Variants in DNMT3A observed in about 807,000 individuals in gnomAD.
DNMT3A encodes the protein DNA (cytosine-5)-methyltransferase 3A.
In DNMT3A, 267 loss-of-function variants were observed where a neutral mutation model predicts 117.6. The ratio of observed to expected loss-of-function variants is 2.27; its 90% CI spans 2.05 to 2.51. The LOEUF (loss-of-function observed/expected upper bound fraction) is 2.51. Ranked by LOEUF, DNMT3A falls within the 30% of genes most tolerant of loss-of-function variation. The pLI is 0.00. For missense variants in DNMT3A, 1,029 were observed against 1,260.2 expected, an observed-to-expected ratio of 0.82 and a Z score of 2.78; for synonymous variants, 432 against 474.8, an observed-to-expected ratio of 0.91 and a Z score of 1.17.
rs529830398 is a variant in DNMT3A, at chr2:25,326,908, C to T, written c.-177-12747G>A. Among the ~76,000 whole-genome samples the T allele has an allele frequency of 4.6e-5, 7 of 152,358 alleles. 1 individual carries two copies. The highest frequency in any genetic ancestry group is 1.4e-4 in the African/African-American group (6 of 41,574). Reference sequence around the variant, plus strand: ...GCACTCCCCTGGGAAAACGTAGCAGCGGTGTGCTTCCAGCAAGATACCTCC... The same window carrying T: ...GCACTCCCCTGGGAAAACGTAGCAGTGGTGTGCTTCCAGCAAGATACCTCC... On this transcript the variant is annotated intron_variant, in intron 1 of 22. Coordinates refer to ENST00000321117, the MANE Select transcript of DNMT3A (RefSeq NM_022552.5).
At chr2:25,249,561 G>A in intron 6 of DNMT3A, 2 of 1,355,304 alleles carry the variant, frequency 1.5e-6, no homozygotes, top group South Asian at 2.3e-5. Flanking sequence ...TTACTGAGCA[G>A]GCACTATAGA....
At chr2:25,314,284 A>G in intron 1 of DNMT3A, 123 bp from the exon 2 acceptor site, 1 of 1,235,348 alleles carries the variant, frequency 8.1e-7, no homozygotes, top group Non-Finnish European at 1.0e-6. Flanking sequence ...TGGCCTCACC[A>G]GCACCCCAGA....
Position 25,252,082 on chromosome 2 carries a change from G to C in DNMT3A, c.640-3830C>G. On this transcript the variant is annotated intron_variant, in intron 6 of 22. Coordinates refer to ENST00000321117, the MANE Select transcript of DNMT3A (RefSeq NM_022552.5). The surrounding 1 kb of genome is among the most constrained non-coding windows in gnomAD (Gnocchi z 5.5). ...GGCCGGGACGCCGCGGCTGCTGCGGGCCGGGGAGGCATACTTCACTCTTTT... is the reference window on the plus strand; with the variant it reads ...GGCCGGGACGCCGCGGCTGCTGCGGCCCGGGGAGGCATACTTCACTCTTTT... 1.5e-6 allele frequency: 2 copies of C among 1,366,514 alleles called. No homozygotes were observed. Among genetic ancestry groups the C allele is most frequent in the Non-Finnish European group, 2.0e-6 (2 of 1,008,362 alleles). 84.6% of individuals were successfully genotyped at this position (1,366,514 alleles called of 1,614,324 possible). A position where few individuals can be genotyped will look rare whatever the true frequency, so the allele number is the denominator to read the frequency against.
At position 25,233,338 on chromosome 2, in the gene DNMT3A, T is replaced by C. The variant is rs1672982151; in HGVS notation, c.*941A>G. ...GCCATCTGCAAGCTGTCTCCCTTTCTCCATCCTTGGTGAAACCCTTTGCGC... is the reference window on the plus strand; with the variant it reads ...GCCATCTGCAAGCTGTCTCCCTTTCCCCATCCTTGGTGAAACCCTTTGCGC... On this transcript the variant is annotated 3_prime_UTR_variant, in exon 23 of 23. Coordinates refer to ENST00000321117, the MANE Select transcript of DNMT3A (RefSeq NM_022552.5). 2 of 233,716 alleles carry C rather than the reference T, an allele frequency of 8.6e-6. No individual in the cohort carries two copies. Among genetic ancestry groups the C allele is most frequent in the Non-Finnish European group, 1.7e-5 (2 of 118,026 alleles). 14.5% of individuals were successfully genotyped at this position (233,716 alleles called of 1,614,324 possible).
intron 2 of DNMT3A, 88 bp from the exon 3 acceptor site, chr2:25,300,331 C>G: frequency 7.0e-7 from 1 of 1,438,592 alleles, no homozygotes; most frequent in East Asian, 2.5e-5. Context: ...CCTGGCTTCC[C>G]TTCCAGCCCC....
chr2:25,282,169 T>A lies in DNMT3A; in HGVS notation c.448+272A>T. 8.5e-7 allele frequency: 1 copy of A among 1,174,304 alleles called. No individual in the cohort carries two copies. Among genetic ancestry groups the A allele is most frequent in the Non-Finnish European group, 1.1e-6 (1 of 916,634 alleles). The allele number at this position is 1,174,304 out of a possible 1,614,324, so 72.7% of individuals were successfully genotyped here. ...CCAGATCTAGCTTTTTTTTTTTTCA[T>A]GAGAAGCCAAAACTCCAGATTTTTA... On this transcript the variant is annotated intron_variant, in intron 4 of 22. Coordinates refer to ENST00000321117, the MANE Select transcript of DNMT3A (RefSeq NM_022552.5). The surrounding 1 kb of genome is among the most constrained non-coding windows in gnomAD (Gnocchi z 5.2).
chr2:25,282,862 T>A lies in DNMT3A; in HGVS notation c.178-151A>T. 9.8e-7 allele frequency: 1 copy of A among 1,022,168 alleles called. No homozygotes were observed. The highest frequency in any genetic ancestry group is 1.3e-6 in the Non-Finnish European group (1 of 748,582). 63.3% of individuals were successfully genotyped at this position (1,022,168 alleles called of 1,614,324 possible). A position where few individuals can be genotyped will look rare whatever the true frequency, so the allele number is the denominator to read the frequency against. ...TAAACCTTCATGCAAACAGATACAT[T>A]CACAATTTTGCTTTCAACATCAAAG... On this transcript the variant is annotated intron_variant, in intron 3 of 22. Transcript: ENST00000321117. The surrounding 1 kb of genome is among the most constrained non-coding windows in gnomAD (Gnocchi z 5.2).
intron 6 of DNMT3A, among the ~76,000 whole-genome samples, chr2:25,263,979 C>T (rs932074224): frequency 5.3e-5 from 8 of 152,196 alleles, no homozygotes; most frequent in Non-Finnish European, 8.8e-5. Flanking sequence ...CTACCAACCT[C>T]TCACAGGGGA....
intron 1 of DNMT3A, among the ~76,000 whole-genome samples, chr2:25,322,498 C>T (rs1291048921): frequency 6.6e-6 from 1 of 151,838 alleles, no homozygotes; most frequent in Admixed American, 6.6e-5. Flanking sequence ...CACATCATTC[C>T]CGCTGCGTCC....
chr2:25,335,723 T>G (rs554366459), intron 1 of DNMT3A, among the ~76,000 whole-genome samples: 1 of 152,104 alleles, frequency 6.6e-6, no homozygotes, highest in South Asian at 2.1e-4. Flanking sequence ...TGGTCCTCCG[T>G]CCCCTCTGTG....
intron 4 of DNMT3A, among the ~76,000 whole-genome samples, chr2:25,280,290 ACTCCCCGCCTCCCCACCCCCCGC>A (rs1176970608): frequency 3.2e-5 from 4 of 124,374 alleles, no homozygotes; most frequent in African/African-American, 9.2e-5. Context: ...CACACTGCCC[ACTCCCCGCCTCCCCACCCCCCGC>A]CTCCCCGCCC....
intron 6 of DNMT3A, among the ~76,000 whole-genome samples, chr2:25,261,957 T>C (rs1676652209): frequency 1.3e-5 from 2 of 152,088 alleles, no homozygotes; most frequent in South Asian, 4.2e-4. Flanking sequence ...GAGGCCAAGG[T>C]GGGCAGATCA....
chr2:25,321,247 T>C (rs1232198953), intron 1 of DNMT3A, among the ~76,000 whole-genome samples: 1 of 152,192 alleles, frequency 6.6e-6, no homozygotes, highest in Non-Finnish European at 1.5e-5. Flanking sequence ...CTGGAAACTC[T>C]AAGGAGAATC....
chr2:25,292,194 A>G (rs929803478), intron 3 of DNMT3A, among the ~76,000 whole-genome samples: 2 of 151,974 alleles, frequency 1.3e-5, no homozygotes, highest in African/African-American at 4.8e-5. Flanking sequence ...ACCCTTAAAA[A>G]AAAAAATTAG....
At chr2:25,248,994 A>G (rs1010990137) in intron 6 of DNMT3A, among the ~76,000 whole-genome samples, 2 of 152,184 alleles carry the variant, frequency 1.3e-5, no homozygotes, top group African/African-American at 4.8e-5. Flanking sequence ...ATTATACCGT[A>G]TATCTCCTAA....
chr2:25,228,838 G>A lies in DNMT3A; in HGVS notation c.*5441C>T, dbSNP rs1472905951. The stretch of plus-strand genomic sequence containing the variant: ...GTGAAGTGAAATGGGACTAGGGGAT[G>A]CTTTAGACCGCTGCTCATGTTCTCA... On this transcript the variant is annotated 3_prime_UTR_variant, in exon 23 of 23. Transcript: ENST00000321117. The A allele has an allele frequency of 6.6e-6, 1 of 152,214 alleles. No homozygotes were observed. The highest frequency in any genetic ancestry group is 1.5e-5 in the Non-Finnish European group (1 of 68,048). 9.4% of individuals were successfully genotyped at this position (152,214 alleles called of 1,614,324 possible).
Position 25,327,504 on chromosome 2 carries a change from C to CA in DNMT3A, c.-177-13344dup, listed in dbSNP as rs2034831978. On this transcript the variant is annotated intron_variant, in intron 1 of 22. Coordinates refer to ENST00000321117, the MANE Select transcript of DNMT3A (RefSeq NM_022552.5). The surrounding 1 kb of genome is among the most constrained non-coding windows in gnomAD (Gnocchi z 4.1). ...CAACTGCCTTCTGTGTGTTCTCTCC[C>CA]AGCCATGACTCCATCTGGCTCCTTG... Among the ~76,000 whole-genome samples the CA allele has an allele frequency of 6.6e-6, 1 of 152,174 alleles. No homozygotes were observed. The highest frequency in any genetic ancestry group is 2.1e-4 in the South Asian group (1 of 4,828).
intron 2 of DNMT3A, among the ~76,000 whole-genome samples, chr2:25,307,126 C>T (rs2033821533): frequency 6.6e-6 from 1 of 152,216 alleles, no homozygotes; most frequent in Non-Finnish European, 1.5e-5. Flanking sequence ...AGTCAATTAC[C>T]GTGCAGAGAA....
rs2034824009 is a variant in DNMT3A at position 25,327,299 on chromosome 2, T to C, written c.-177-13138A>G. 6.6e-6 allele frequency among the ~76,000 whole-genome samples: 1 copy of C among 152,200 alleles called. No homozygotes were observed. Among genetic ancestry groups the C allele is most frequent in the Admixed American group, 6.5e-5 (1 of 15,282 alleles). ...TGTCTTCTGAATGGACCCTGACTGA[T>C]ACAGTCACCCGCGGCCCCAAAGGGC... is the stretch of plus-strand genomic sequence containing the variant. On this transcript the variant is annotated intron_variant, in intron 1 of 22. Transcript: ENST00000321117. The surrounding 1 kb of genome is among the most constrained non-coding windows in gnomAD (Gnocchi z 4.1).
Sources: gnomAD v4.1 joint callset for allele counts (sites outside exome capture counted in the v4.1 genomes callset) on GRCh38, gnomAD v4.1.1 for gene constraint, Gnocchi (gnomAD v3.1) non-coding constraint, MANE v1.5 for transcripts, NCBI Gene and HGNC (gene_info 2026-07-23, HGNC 2026-07-21) for gene names.